The following MRPL19 variants were observed in gnomAD, a reference collection of about 807,000 sequenced individuals.
The protein encoded by MRPL19 is large ribosomal subunit protein bL19m.
A neutral mutation model predicts 34.0 loss-of-function variants in MRPL19; 31 were observed. The observed-to-expected ratio is 0.91, with a 90% confidence interval of 0.68 to 1.23. MRPL19 has a LOEUF of 1.23. Among genes scored for constraint, MRPL19 ranks in the 50% most tolerant of loss-of-function variants. The pLI, the probability that MRPL19 is intolerant of heterozygous loss-of-function variation, is 0.00. For synonymous variants in MRPL19, 152 were observed against 127.7 expected (o/e 1.19, Z -1.28); for missense variants, 384 against 367.6 (o/e 1.04, Z -0.37).
At chr2:75,647,313 C>A in intron 2 of MRPL19, 94 bp downstream of exon 2, 1 of 1,163,508 alleles carries the variant, frequency 8.6e-7, no homozygotes. Context: ...GTGGGGGCTG[C>A]ACCTCCCCCT....
chr2:75,657,765 T>A lies in MRPL19; in HGVS notation c.*2480T>A, dbSNP rs1038274031. On this transcript the variant is annotated 3_prime_UTR_variant, in exon 6 of 6. Coordinates refer to ENST00000393909, the MANE Select transcript of MRPL19 (RefSeq NM_014763.4). ...AAAACATGTAAACAATCATGCTTTT[T>A]ACTCTGTAGGAATATCTTTAAAATT... is the stretch of plus-strand genomic sequence containing the variant. 1.3e-5 allele frequency: 2 copies of A among 152,150 alleles called. No individual in the cohort carries two copies. The highest frequency in any genetic ancestry group is 4.8e-5 in the African/African-American group (2 of 41,442). 9.4% of individuals were successfully genotyped at this position (152,150 alleles called of 1,614,324 possible).
chr2:75,656,267 C>T lies in MRPL19; in HGVS notation c.*982C>T, dbSNP rs915770066. On this transcript the variant is annotated 3_prime_UTR_variant, in exon 6 of 6. Coordinates refer to ENST00000393909, the MANE Select transcript of MRPL19 (RefSeq NM_014763.4). ...GGATTGGAAAGCTGGGGTATAAGCA[C>T]ACATGCTAAAGAAAAACATGTAATT... 1.2e-4 allele frequency: 19 copies of T among 152,108 alleles called. No homozygotes were observed. The highest frequency in any genetic ancestry group is 1.5e-4 in the Non-Finnish European group (10 of 68,012). The allele number at this position is 152,108 out of a possible 1,614,324, so 9.4% of individuals were successfully genotyped here.
At chr2:75,647,506 G>C (rs1678249523) in intron 2 of MRPL19, 1 of 376,492 alleles carries the variant, frequency 2.7e-6, no homozygotes, top group Non-Finnish European at 4.8e-6. Flanking sequence ...TTTTCTCTGA[G>C]GTATATCCTG....
In MRPL19 at chr2:75,660,308, G is replaced by A. The variant is rs981980626; in HGVS notation, c.*5023G>A. Among the ~76,000 whole-genome samples, 2 of 151,986 alleles carry A rather than the reference G, an allele frequency of 1.3e-5. No homozygotes were observed. Among genetic ancestry groups the A allele is most frequent in the Admixed American group, 1.3e-4 (2 of 15,252 alleles). On this transcript the variant is annotated 3_prime_UTR_variant, in exon 6 of 6. Transcript: ENST00000393909. ...CCTTTAGCTCTTTGGGCTTATTTAA[G>A]ACAATTGTTTAAAGTCTTTGCATAG...
At chr2:75,647,388 C>T (rs1678247887) in intron 2 of MRPL19, 169 bp downstream of exon 2, 3 of 628,472 alleles carry the variant, frequency 4.8e-6, no homozygotes, top group East Asian at 6.2e-5. Flanking sequence ...CTCACTTCTC[C>T]CCAAGCCAGC....
chr2:75,652,129 G>C lies in MRPL19; in HGVS notation c.222-13G>C. On this transcript the variant is annotated splice_polypyrimidine_tract_variant and intron_variant, in intron 2 of 5. Transcript: ENST00000393909. ...TGAGTTTACTTTTAATTATTTATTT[G>C]TATTTTTTACAGGTTCTTGAGTCCT... The C allele has an allele frequency of 6.9e-7, 1 of 1,457,366 alleles. No individual in the cohort carries two copies. The highest frequency in any genetic ancestry group is 1.3e-5 in the South Asian group (1 of 76,738). The allele number at this position is 1,457,366 out of a possible 1,614,324, so 90.3% of individuals were successfully genotyped here.
rs1256458811 is a variant in MRPL19 at position 75,658,054 on chromosome 2, C to T, written c.*2769C>T. ...GCAATAACCTCATTCCTGTATCTCT[C>T]CCAACCCCAGGTAACCTCAAATCTT... On this transcript the variant is annotated 3_prime_UTR_variant, in exon 6 of 6. Coordinates refer to ENST00000393909, the MANE Select transcript of MRPL19 (RefSeq NM_014763.4). Among the ~76,000 whole-genome samples the T allele has an allele frequency of 6.6e-6, 1 of 152,088 alleles. No individual in the cohort carries two copies. Among genetic ancestry groups the T allele is most frequent in the Non-Finnish European group, 1.5e-5 (1 of 67,988 alleles).
chr2:75,651,916 A>G, intron 2 of MRPL19: 1 of 321,992 alleles, frequency 3.1e-6, no homozygotes, highest in East Asian at 6.2e-5. Flanking sequence ...GGATTAATTT[A>G]TGCTATAGAT....
In MRPL19 at chr2:75,655,526, G is replaced by A. The variant is rs978534638; in HGVS notation, c.*241G>A. 2 of 386,434 alleles carry A rather than the reference G, an allele frequency of 5.2e-6. No homozygotes were observed. The highest frequency in any genetic ancestry group is 9.2e-6 in the Non-Finnish European group (2 of 216,598). 23.9% of individuals were successfully genotyped at this position (386,434 alleles called of 1,614,324 possible). On this transcript the variant is annotated 3_prime_UTR_variant, in exon 6 of 6. Transcript: ENST00000393909. ...TATTGGAGGCAAAGCTACAATAGAA[G>A]TCAGAGCATCACCAGAATGGTCTTT... is the stretch of plus-strand genomic sequence containing the variant.
At position 75,654,774 on chromosome 2, in the gene MRPL19, C is replaced by T; in HGVS notation, c.514C>T (p.Gln172Ter). 6.2e-7 allele frequency: 1 copy of T among 1,613,674 alleles called. No individual in the cohort carries two copies. The change falls in exon 5 of 6, where the codon CAG becomes TAG. Residue 172 changes from glutamine (Q) to a stop codon, truncating the protein, a stop_gained. Coordinates refer to ENST00000393909, the MANE Select transcript of MRPL19 (RefSeq NM_014763.4). LOFTEE classifies it high-confidence loss of function. Reference sequence around the variant, plus strand: ...CTTTGAACTTTATAATCCTCGGGTCCAGGAGATTCAGGTGGTCAAATTAGA... The same window carrying T: ...CTTTGAACTTTATAATCCTCGGGTCTAGGAGATTCAGGTGGTCAAATTAGA... Reference protein sequence around the residue: ...ICFELYNPRVQEIQVVKLEKR... With the variant: ...ICFELYNPRV
intron 2 of MRPL19, among the ~76,000 whole-genome samples, chr2:75,649,871 G>A (rs148603367): frequency 2.6e-4 from 39 of 152,186 alleles, no homozygotes; most frequent in African/African-American, 8.9e-4. Context: ...GGGCTCAAAC[G>A]ATCTACCCTC....
chr2:75,652,860 T>C (rs1483618614), intron 4 of MRPL19, among the ~76,000 whole-genome samples: 1 of 152,230 alleles, frequency 6.6e-6, no homozygotes, highest in Non-Finnish European at 1.5e-5. Context: ...TCTTGAAGGC[T>C]TCTTATGTTA....
chr2:75,647,233 C>G lies in MRPL19; in HGVS notation c.221+14C>G, dbSNP rs1284386673. The G allele has an allele frequency of 1.5e-5, 23 of 1,568,708 alleles. No individual in the cohort carries two copies. In the Admixed American group the frequency reaches 4.1e-4, roughly 28 times the overall value. On this transcript the variant is annotated intron_variant, in intron 2 of 5. Transcript: ENST00000393909. ...ACCGGAACGCAGGTGAGGCACTGCC[C>G]TGGCGCTAGGCCGGCAACTGGGGTC...
chr2:75,652,843 T>G (rs528193227), intron 4 of MRPL19, among the ~76,000 whole-genome samples, 186 bp downstream of exon 4: 14 of 152,340 alleles, frequency 9.2e-5, no homozygotes, highest in African/African-American at 2.9e-4. Context: ...GTTGATGGAC[T>G]TCTTTCTCTT....
intron 2 of MRPL19, chr2:75,651,668 AT>A (rs1678335392): frequency 3.0e-6 from 1 of 330,710 alleles, no homozygotes; most frequent in South Asian, 2.6e-5. Context: ...TCAATTTATA[AT>A]TAGTGATTTA....
At chr2:75,650,609 A>C (rs925516144) in intron 2 of MRPL19, among the ~76,000 whole-genome samples, 31 of 152,306 alleles carry the variant, frequency 2.0e-4, no homozygotes, top group African/African-American at 7.5e-4. Context: ...CCTCCTACAG[A>C]GGCACAAACA....
chr2:75,654,046 CA>C (rs1291808781), intron 4 of MRPL19, among the ~76,000 whole-genome samples: 1 of 152,274 alleles, frequency 6.6e-6, no homozygotes, highest in African/African-American at 2.4e-5. Flanking sequence ...GCTGTTGTAA[CA>C]AAATGCTACA....
rs1678569730 is a variant in MRPL19 at position 75,660,041 on chromosome 2, G to T, written c.*4756G>T. Among the ~76,000 whole-genome samples the T allele has an allele frequency of 6.6e-6, 1 of 151,786 alleles. No homozygotes were observed. Among genetic ancestry groups the T allele is most frequent in the African/African-American group, 2.4e-5 (1 of 41,332 alleles). ...CTGTCTCACCAGTTTCTTAGGCTGT[G>T]TTCTCTTTTGTTCCTCAGACTTGAT... On this transcript the variant is annotated 3_prime_UTR_variant, in exon 6 of 6. Coordinates refer to ENST00000393909, the MANE Select transcript of MRPL19 (RefSeq NM_014763.4).
rs1264627847 is a variant in MRPL19, at chr2:75,659,428, G to A, written c.*4143G>A. 6.6e-6 allele frequency among the ~76,000 whole-genome samples: 1 copy of A among 151,024 alleles called. No individual in the cohort carries two copies. The highest frequency in any genetic ancestry group is 1.5e-5 in the Non-Finnish European group (1 of 67,932). On this transcript the variant is annotated 3_prime_UTR_variant, in exon 6 of 6. Coordinates refer to ENST00000393909, the MANE Select transcript of MRPL19 (RefSeq NM_014763.4). Reference sequence around the variant, plus strand: ...TAGAAAACAGTATGATAGTAATACTGACTTTTATATTTGTCAATATATTTA... The same window carrying A: ...TAGAAAACAGTATGATAGTAATACTAACTTTTATATTTGTCAATATATTTA...
Sources: allele counts gnomAD v4.1 joint callset (sites outside exome capture counted in the v4.1 genomes callset), GRCh38; gene constraint gnomAD v4.1.1; transcripts MANE v1.5; gene names NCBI Gene and HGNC (gene_info 2026-07-23, HGNC 2026-07-21).